Variants in CLVS1 observed in about 807,000 individuals in gnomAD.
The protein encoded by CLVS1 is clavesin-1.
CLVS1 carries 10 observed loss-of-function variants against 33.1 expected under a neutral mutation model. That is an observed-to-expected ratio of 0.30 (90% CI 0.19 to 0.51). The LOEUF (loss-of-function observed/expected upper bound fraction) is 0.51. Among genes scored for constraint, CLVS1 ranks in the 20% least tolerant of loss-of-function variants. CLVS1 has a pLI of 0.97. For synonymous variants in CLVS1, 163 were observed against 166.1 expected (o/e 0.98, Z 0.14); for missense variants, 343 against 433.4 (o/e 0.79, Z 1.85).
At chr8:61,176,631 G>T (rs528091733) in intron 2 of CLVS1, among the ~76,000 whole-genome samples, 2 of 152,282 alleles carry the variant, frequency 1.3e-5, no homozygotes, top group South Asian at 2.1e-4. Flanking sequence ...TGGCAACCAA[G>T]TATCCAGGTT....
chr8:61,441,029 T>A (rs992714100), intron 3 of CLVS1, among the ~76,000 whole-genome samples: 3 of 152,208 alleles, frequency 2.0e-5, no homozygotes, highest in African/African-American at 7.2e-5. Flanking sequence ...ATATGTGACT[T>A]CCTCACTAAT....
intron 1 of CLVS1, among the ~76,000 whole-genome samples, chr8:61,126,370 G>A (rs1331066561): frequency 1.3e-5 from 2 of 152,216 alleles, no homozygotes; most frequent in Admixed American, 1.3e-4. Context: ...GAAGGCAACT[G>A]GGTTTGGTGG....
rs569125787 is a variant in CLVS1 at position 61,364,362 on chromosome 8, G to A, written c.456-12243G>A. Among the ~76,000 whole-genome samples the A allele has an allele frequency of 5.9e-5, 9 of 152,310 alleles. No individual in the cohort carries two copies. In the South Asian group the frequency reaches 6.2e-4, roughly 11 times the overall value. Reference sequence around the variant, plus strand: ...GCTCCAAGAATCTCATAACAATGATGTGTCTTGAGGAAGATAAACTGTTGA... The same window carrying A: ...GCTCCAAGAATCTCATAACAATGATATGTCTTGAGGAAGATAAACTGTTGA... On this transcript the variant is annotated intron_variant, in intron 2 of 5. Coordinates refer to ENST00000325897, the MANE Select transcript of CLVS1 (RefSeq NM_173519.3).
At chr8:61,202,477 T>A (rs1156438364) in intron 2 of CLVS1, 2 of 852,580 alleles carry the variant, frequency 2.3e-6, no homozygotes, top group Non-Finnish European at 4.0e-6. Context: ...GCGCCAGTTG[T>A]CTTTAAGAAC....
At chr8:61,474,843 C>T (rs970685604) in intron 5 of CLVS1, among the ~76,000 whole-genome samples, 70 of 152,118 alleles carry the variant, frequency 4.6e-4, no homozygotes, top group African/African-American at 1.6e-3. Flanking sequence ...ATATGCACAA[C>T]GTGCAGGTTT....
At chr8:61,323,656 T>A (rs1811275933) in intron 2 of CLVS1, among the ~76,000 whole-genome samples, 1 of 152,098 alleles carries the variant, frequency 6.6e-6, no homozygotes, top group Admixed American at 6.5e-5. Context: ...AACTCTTTTT[T>A]TTTTCAACTT....
At chr8:61,025,250 A>G in the CLVS1 span, among the ~76,000 whole-genome samples, 2 of 152,322 alleles carry the variant, frequency 1.3e-5, no homozygotes, top group Admixed American at 6.5e-5. Flanking sequence ...TTTTCTTCAG[A>G]TGTTTGTGCA....
At chr8:60,979,011 A>C in the CLVS1 span, among the ~76,000 whole-genome samples, 4 of 152,104 alleles carry the variant, frequency 2.6e-5, no homozygotes, top group African/African-American at 9.7e-5. Context: ...CTATATTTTG[A>C]CAACTTGAAA....
chr8:61,348,068 C>T (rs79469055), intron 2 of CLVS1, among the ~76,000 whole-genome samples: 2,080 of 151,894 alleles, frequency 0.014, 62 homozygotes, highest in African/African-American at 0.046. Context: ...CTTTATTATT[C>T]CTATGAAACT....
chr8:60,984,243 T>A, the CLVS1 span, among the ~76,000 whole-genome samples: 1 of 152,204 alleles, frequency 6.6e-6, no homozygotes, highest in Non-Finnish European at 1.5e-5. Flanking sequence ...ATTAAGACCC[T>A]ATTGTCTTTA....
At chr8:61,312,355 A>G (rs1810859499) in intron 2 of CLVS1, among the ~76,000 whole-genome samples, 1 of 152,238 alleles carries the variant, frequency 6.6e-6, no homozygotes, top group Non-Finnish European at 1.5e-5. Flanking sequence ...ATCAAGCTCC[A>G]AAGCCATTTA....
the CLVS1 span, among the ~76,000 whole-genome samples, chr8:60,985,373 G>T: frequency 2.4e-4 from 37 of 152,014 alleles, no homozygotes; most frequent in Admixed American, 1.3e-4. Flanking sequence ...CTACCAGCCT[G>T]AGAGCTCCAC....
intron 2 of CLVS1, among the ~76,000 whole-genome samples, chr8:61,366,869 T>A (rs1349827032): frequency 6.6e-6 from 1 of 152,148 alleles, no homozygotes; most frequent in Non-Finnish European, 1.5e-5. Context: ...CCCATATACT[T>A]CTGAGTAACC....
At chr8:61,413,465 G>A (rs1027195208) in intron 3 of CLVS1, among the ~76,000 whole-genome samples, 1 of 152,144 alleles carries the variant, frequency 6.6e-6, no homozygotes, top group Non-Finnish European at 1.5e-5. Context: ...AGAGATGGTG[G>A]GCTGGACAGG....
rs918549807 is a variant in CLVS1, at chr8:61,091,181, G to A, written c.-243+33951G>A. Among the ~76,000 whole-genome samples, 5 of 152,318 alleles carry A rather than the reference G, an allele frequency of 3.3e-5. 1 individual carries two copies. The South Asian group carries it at 1.0e-3, about 32-fold the overall frequency. On this transcript the variant is annotated intron_variant, in intron 1 of 2. Transcript: ENST00000522621. ...TGCAGGAGGAGTGAAGCACAGAGGA[G>A]AAGGCCATGCAAAGCAGAGATCTGA...
chr8:61,232,029 T>TGTTTGTTTG (rs1563455079), intron 2 of CLVS1, among the ~76,000 whole-genome samples: 12 of 43,748 alleles, frequency 2.7e-4, no homozygotes, highest in African/African-American at 8.4e-4. Flanking sequence ...TGTGGTTTTT[T>TGTTTGTTTG]TTTTTTTTTT....
intron 2 of CLVS1, among the ~76,000 whole-genome samples, chr8:61,277,495 GA>G (rs1254732335): frequency 1.3e-5 from 2 of 152,152 alleles, no homozygotes; most frequent in African/African-American, 4.8e-5. Context: ...GGTGAAGACA[GA>G]AGGGATGGTC....
intron 2 of CLVS1, among the ~76,000 whole-genome samples, chr8:61,144,395 G>T (rs913484131): frequency 9.9e-5 from 15 of 151,982 alleles, no homozygotes; most frequent in African/African-American, 3.6e-4. Context: ...CCTTTTTTAT[G>T]GCTGTATAGT....
intron 2 of CLVS1, among the ~76,000 whole-genome samples, chr8:61,237,928 A>G (rs7838220): frequency 0.62 from 93,814 of 151,582 alleles, 31,156 homozygotes; most frequent in East Asian, 0.97. Flanking sequence ...GTGCTCCCAT[A>G]AGAGGAGACT....
Sources: allele counts gnomAD v4.1 joint callset (sites outside exome capture counted in the v4.1 genomes callset), GRCh38; gene constraint gnomAD v4.1.1; transcripts MANE v1.5; gene names NCBI Gene and HGNC (gene_info 2026-07-23, HGNC 2026-07-21).